Variants in BLOC1S3 observed in about 807,000 individuals in gnomAD.
BLOC1S3 encodes the protein biogenesis of lysosome-related organelles complex 1 subunit 3.
Under a neutral mutation model 9.1 loss-of-function variants are expected in BLOC1S3, and 7 were observed. The ratio of observed to expected loss-of-function variants is 0.77; its 90% confidence interval spans 0.44 to 1.45. The LOEUF is 1.45. Ranked by LOEUF, BLOC1S3 falls within the 40% of genes most tolerant of loss-of-function variation. The pLI is 0.01. For synonymous variants in BLOC1S3, 145 were observed against 158.4 expected (o/e 0.92, Z 0.64); for missense variants, 307 against 315.2 (o/e 0.97, Z 0.20).
chr19:45,216,763 C>A (rs1969839643), exon 4 of BLOC1S3: 1 of 152,360 alleles, frequency 6.6e-6, no homozygotes, highest in African/African-American at 2.4e-5. Context: ...GGAGACTGGA[C>A]AAAGTGTACA....
chr19:45,186,523 G>A (rs894052179), downstream of BLOC1S3, among the ~76,000 whole-genome samples: 1 of 152,044 alleles, frequency 6.6e-6, no homozygotes, highest in Non-Finnish European at 1.5e-5. Context: ...TGGCCAACAC[G>A]GTGAAACCGT....
chr19:45,191,032 C>T (rs1318155372), intron 2 of BLOC1S3, among the ~76,000 whole-genome samples: 1 of 150,326 alleles, frequency 6.7e-6, no homozygotes, highest in African/African-American at 2.5e-5. Context: ...GTCTCGATCT[C>T]CTGACCTCAC....
chr19:45,195,486 C>T (rs1383465279), intron 2 of BLOC1S3, among the ~76,000 whole-genome samples: 2 of 152,226 alleles, frequency 1.3e-5, no homozygotes, highest in Non-Finnish European at 2.9e-5. Context: ...GGATTATAGG[C>T]ATGAGCCACA....
chr19:45,189,284 T>C (rs1969587514), intron 2 of BLOC1S3, among the ~76,000 whole-genome samples: 1 of 152,202 alleles, frequency 6.6e-6, no homozygotes, highest in Admixed American at 6.5e-5. Flanking sequence ...CCTCCCAAAG[T>C]GCTGGGATTA....
intron 3 of BLOC1S3, chr19:45,216,006 G>C (rs919763172): frequency 2.3e-5 from 36 of 1,592,526 alleles, no homozygotes; most frequent in Non-Finnish European, 3.1e-5. Flanking sequence ...GCACAGGGAC[G>C]GATGCCAAGG....
rs760959982 is a variant in BLOC1S3, at chr19:45,216,141, C to T, written n.283-535C>T. On this transcript the variant is annotated intron_variant and non_coding_transcript_variant, in intron 3 of 3. Coordinates refer to the BLOC1S3 transcript ENST00000591569. Reference sequence around the variant, plus strand: ...GGATGCTGGGCGTGTCTTCCAGCTGCATGACTTCAGCCAAATGGGGCACCA... The same window carrying T: ...GGATGCTGGGCGTGTCTTCCAGCTGTATGACTTCAGCCAAATGGGGCACCA... 29 of 1,614,022 alleles carry T rather than the reference C, an allele frequency of 1.8e-5. No homozygotes were observed. The South Asian group carries it at 3.2e-4, about 18-fold the overall frequency.
At chr19:45,195,910 G>A (rs1314499507) in intron 2 of BLOC1S3, among the ~76,000 whole-genome samples, 2 of 152,132 alleles carry the variant, frequency 1.3e-5, no homozygotes, top group Non-Finnish European at 2.9e-5. Context: ...TTTTCAAGTA[G>A]TCATATGTCT....
downstream of BLOC1S3, among the ~76,000 whole-genome samples, chr19:45,186,695 A>C (rs1969568132): frequency 6.6e-6 from 1 of 151,902 alleles, no homozygotes; most frequent in South Asian, 2.1e-4. Context: ...ATAGAGTGAG[A>C]CTCCGTCTCA....
intron 3 of BLOC1S3, among the ~76,000 whole-genome samples, chr19:45,210,895 C>G (rs545617108): frequency 6.6e-6 from 1 of 151,778 alleles, no homozygotes; most frequent in African/African-American, 2.4e-5. Context: ...GAGGATGAGG[C>G]AGGAGGATGG....
intron 3 of BLOC1S3, among the ~76,000 whole-genome samples, chr19:45,203,867 G>A (rs899603058): frequency 7.2e-5 from 11 of 152,070 alleles, no homozygotes; most frequent in African/African-American, 2.7e-4. Context: ...GCATTTTGGG[G>A]TAGCACCTCA....
chr19:45,204,201 T>C (rs1216219699), intron 3 of BLOC1S3, among the ~76,000 whole-genome samples: 2 of 150,160 alleles, frequency 1.3e-5, no homozygotes, highest in Non-Finnish European at 3.0e-5. Context: ...TTTTTTTTTT[T>C]TTCTGAGATG....
intron 2 of BLOC1S3, among the ~76,000 whole-genome samples, chr19:45,198,571 G>A (rs1056950898): frequency 6.6e-6 from 1 of 152,236 alleles, no homozygotes; most frequent in African/African-American, 2.4e-5. Flanking sequence ...TGGGATTACA[G>A]GCGTGAGCCG....
rs541623833 is a variant in BLOC1S3, at chr19:45,215,040, G to A, written n.283-1636G>A. Among the ~76,000 whole-genome samples the A allele has an allele frequency of 1.2e-4, 18 of 151,940 alleles. No individual in the cohort carries two copies. The Middle Eastern group carries it at 0.021, about 173-fold the overall frequency. On this transcript the variant is annotated intron_variant and non_coding_transcript_variant, in intron 3 of 3. Coordinates refer to the BLOC1S3 transcript ENST00000591569. ...GCGTGGTGGCACATGCCTATACTTGGGAGGCTGAGGCACAATAATCTCTTG... is the reference window on the plus strand; with the variant it reads ...GCGTGGTGGCACATGCCTATACTTGAGAGGCTGAGGCACAATAATCTCTTG...
At chr19:45,189,212 G>C (rs1334301514) in intron 2 of BLOC1S3, among the ~76,000 whole-genome samples, 1 of 151,964 alleles carries the variant, frequency 6.6e-6, no homozygotes, top group East Asian at 1.9e-4. Context: ...TAGAGATAAG[G>C]TTTCACCATG....
At chr19:45,212,323 T>TTCCC (rs1665120383) in intron 3 of BLOC1S3, among the ~76,000 whole-genome samples, 1 of 152,216 alleles carries the variant, frequency 6.6e-6, no homozygotes, top group African/African-American at 2.4e-5. Flanking sequence ...GGGGCCCTGC[T>TTCCC]TCCCCGGTCC....
At chr19:45,206,450 G>GT (rs1054281226) in intron 3 of BLOC1S3, among the ~76,000 whole-genome samples, 2,518 of 55,074 alleles carry the variant, frequency 0.046, 500 homozygotes, top group African/African-American at 0.06. Flanking sequence ...GATTAATCAA[G>GT]TTTTTTTTTT....
At chr19:45,208,718 G>A (rs1812399963) in intron 3 of BLOC1S3, among the ~76,000 whole-genome samples, 2 of 151,218 alleles carry the variant, frequency 1.3e-5, no homozygotes, top group South Asian at 4.1e-4. Flanking sequence ...CTGTGCCATT[G>A]CACTCCAGCC....
At chr19:45,214,208 C>T (rs1364632170) in intron 3 of BLOC1S3, among the ~76,000 whole-genome samples, 1 of 152,150 alleles carries the variant, frequency 6.6e-6, no homozygotes, top group Non-Finnish European at 1.5e-5. Context: ...ACCTTATCCC[C>T]CAGAATCAGA....
At position 45,179,284 on chromosome 19, in the gene BLOC1S3, C is replaced by G; in HGVS notation, c.-9-4C>G. On this transcript the variant is annotated splice_polypyrimidine_tract_variant and splice_region_variant and intron_variant, in intron 1 of 1. Coordinates refer to ENST00000433642, the MANE Select transcript of BLOC1S3 (RefSeq NM_212550.5). This position sits in a 1 kb window ranked among gnomAD's most constrained non-coding sequence, Gnocchi z 4.6. ...CGTGCAGTCCCTTCGCTCTTCTCCC[C>G]TAGTTCGGTGCCATGGCGTCCCAGG... The G allele has an allele frequency of 6.4e-7, 1 of 1,573,724 alleles. No individual in the cohort carries two copies. Among genetic ancestry groups the G allele is most frequent in the South Asian group, 1.1e-5 (1 of 87,546 alleles).
Sources: gnomAD v4.1 joint callset for allele counts (sites outside exome capture counted in the v4.1 genomes callset) on GRCh38, gnomAD v4.1.1 for gene constraint, Gnocchi (gnomAD v3.1) non-coding constraint, MANE v1.5 for transcripts, NCBI Gene and HGNC (gene_info 2026-07-23, HGNC 2026-07-21) for gene names.